Variants in SMARCC2 observed in about 807,000 individuals in gnomAD.
SMARCC2 encodes SWI/SNF complex subunit SMARCC2.
In SMARCC2, 15 loss-of-function variants were observed where a neutral mutation model predicts 151.3. The ratio of observed to expected loss-of-function variants is 0.10; its 90% CI spans 0.07 to 0.15. The LOEUF is 0.15. SMARCC2 is among the 10% of genes least tolerant of loss of function. SMARCC2 has a pLI of 1.00. For synonymous variants in SMARCC2, 590 were observed against 609.5 expected (o/e 0.97, Z 0.47); for missense variants, 1,031 against 1,599.7 (o/e 0.64, Z 6.06).
Position 56,173,751 on chromosome 12 carries a change from T to C in SMARCC2, c.1595A>G (p.His532Arg), listed in dbSNP as rs1874395796. The change falls in exon 17 of 29, where the codon CAT becomes CGT. Residue 532 changes from histidine (H) to arginine (R), a missense_variant. Physicochemically the swap from His to Arg is conservative, Grantham distance 29. Coordinates refer to ENST00000550164, the MANE Select transcript of SMARCC2 (RefSeq NM_001330288.2). ...PMGPPPTSHF[H>R]VLADTPSGLV... is the part of the protein sequence containing the mutation. ...CCCTGATGGTGTGTCAGCCAAGACATGGAAGTGAGAGGTAGGCGGAGGCCC... is the reference window on the plus strand; with the variant it reads ...CCCTGATGGTGTGTCAGCCAAGACACGGAAGTGAGAGGTAGGCGGAGGCCC... 6.2e-7 allele frequency: 1 copy of C among 1,609,764 alleles called. No homozygotes were observed.
intron 15 of SMARCC2, among the ~76,000 whole-genome samples, 182 bp downstream of exon 15, chr12:56,177,840 T>C (rs907050444): frequency 2.0e-5 from 3 of 152,240 alleles, no homozygotes; most frequent in Non-Finnish European, 2.9e-5. Flanking sequence ...CTAAAGAACA[T>C]GTGTCTACAT....
intron 20 of SMARCC2, 111 bp downstream of exon 20, chr12:56,172,317 A>G: frequency 2.1e-6 from 2 of 955,976 alleles, no homozygotes. Flanking sequence ...CCTGGACTCA[A>G]GTGATCCTCC....
chr12:56,169,992 T>G, intron 23 of SMARCC2, 81 bp from the exon 24 acceptor site: 1 of 1,471,620 alleles, frequency 6.8e-7, no homozygotes, highest in South Asian at 1.1e-5. Flanking sequence ...GACGGGGAAC[T>G]AAATTTATTC....
Position 56,180,960 on chromosome 12 carries a change from C to A in SMARCC2, c.1081+17G>T. On this transcript the variant is annotated intron_variant, in intron 11 of 28. Coordinates refer to ENST00000550164, the MANE Select transcript of SMARCC2 (RefSeq NM_001330288.2). ...GGGGAGTGGGGGTGGATCCCAGGAG[C>A]TCAGCCTGGCCTGTACCTGTTTTGG... 6.2e-7 allele frequency: 1 copy of A among 1,601,818 alleles called. No individual in the cohort carries two copies. The highest frequency in any genetic ancestry group is 8.5e-7 in the Non-Finnish European group (1 of 1,173,034).
Position 56,163,694 on chromosome 12 carries a change from G to T in SMARCC2, c.3733C>A (p.Gln1245Lys). 1 of 1,497,824 alleles carries T rather than the reference G, an allele frequency of 6.7e-7. No individual in the cohort carries two copies. Among genetic ancestry groups the T allele is most frequent in the Non-Finnish European group, 8.9e-7 (1 of 1,128,574 alleles). 92.8% of individuals were successfully genotyped at this position (1,497,824 alleles called of 1,614,324 possible). The change falls in exon 29 of 29, where the codon CAG becomes AAG. Residue 1245 changes from glutamine (Q) to lysine (K), a missense_variant. Gln to Lys is a moderately conservative substitution (Grantham distance 53). This residue lies in a region of SMARCC2 where 310 missense variants were observed against 350.0 expected (regional missense o/e 0.89). Transcript: ENST00000550164. ...AGAGATGTCTGGCTGGCTCCTCACTGTGGAGGTGGCACAGGGGTGACCGTG... is the reference window on the plus strand; with the variant it reads ...AGAGATGTCTGGCTGGCTCCTCACTTTGGAGGTGGCACAGGGGTGACCGTG... ...PGTVTPVPPP[Q>K] is the part of the protein sequence containing the mutation.
rs368906381 is a variant in SMARCC2, at chr12:56,170,263, T to C, written c.2348-55A>G. 955 of 1,417,492 alleles carry C rather than the reference T, an allele frequency of 6.7e-4. 6 individuals are homozygous for C. The African/African-American group carries it at 0.012, about 18-fold the overall frequency. 87.8% of individuals were successfully genotyped at this position (1,417,492 alleles called of 1,614,324 possible). ...GAAATGTTTAATACACAGTCGTCTG[T>C]GTCTAACACTTTTCTTTTTTTTTAG... On this transcript the variant is annotated intron_variant, in intron 22 of 28. Transcript: ENST00000550164.
At chr12:56,163,833 C>T in intron 28 of SMARCC2, 68 bp from the exon 29 acceptor site, 1 of 1,038,670 alleles carries the variant, frequency 9.6e-7, no homozygotes, top group Non-Finnish European at 1.4e-6. Flanking sequence ...CAGACCACCA[C>T]AGACAGACAG....
intron 28 of SMARCC2, 77 bp downstream of exon 28, chr12:56,164,226 T>TA: frequency 7.4e-7 from 1 of 1,353,748 alleles, no homozygotes; most frequent in Middle Eastern, 2.5e-4. Context: ...ACCTGACCTC[T>TA]TCCCCACCTG....
chr12:56,179,168 A>G (rs1875629536), intron 11 of SMARCC2, 112 bp from the exon 12 acceptor site: 1 of 831,566 alleles, frequency 1.2e-6, no homozygotes, highest in South Asian at 1.5e-5. Context: ...CTGATTGCAA[A>G]ATATAGTAAT....
intron 15 of SMARCC2, among the ~76,000 whole-genome samples, chr12:56,177,098 G>T (rs1875162757): frequency 6.6e-6 from 1 of 152,154 alleles, no homozygotes; most frequent in Admixed American, 6.6e-5. Context: ...TGGGATTACA[G>T]GCATGAGCCA....
At chr12:56,187,143 T>G (rs1341023458) in intron 2 of SMARCC2, 44 bp downstream of exon 2, 1 of 1,565,928 alleles carries the variant, frequency 6.4e-7, no homozygotes, top group Non-Finnish European at 8.7e-7. Flanking sequence ...TTTGAAGGAT[T>G]CACCACCACC....
chr12:56,164,727 G>A lies in SMARCC2; in HGVS notation c.3237C>T (p.Pro1079=), dbSNP rs1242934081. Residue 1079 remains proline, a synonymous_variant, in exon 28 of 29, where the codon CCC becomes CCT. Transcript: ENST00000550164. ...PGVPPPGPHG[P]SPFPNQQTPP... ...GAGTTTGTTGGTTGGGGAACGGTGA[G>A]GGGCCTGAGAATAAAGATGAGAGAT... 1 of 1,605,350 alleles carries A rather than the reference G, an allele frequency of 6.2e-7. No homozygotes were observed. The highest frequency in any genetic ancestry group is 8.5e-7 in the Non-Finnish European group (1 of 1,175,632).
chr12:56,181,441 A>C, intron 10 of SMARCC2, 41 bp downstream of exon 10: 1 of 1,201,638 alleles, frequency 8.3e-7, no homozygotes, highest in Non-Finnish European at 1.2e-6. Flanking sequence ...CATGATGTGG[A>C]GAGAATGGTG....
chr12:56,187,105 A>C (rs986693246), intron 2 of SMARCC2, 82 bp downstream of exon 2: 1 of 1,428,960 alleles, frequency 7.0e-7, no homozygotes, highest in African/African-American at 1.4e-5. Flanking sequence ...AAAATTCACA[A>C]ATCTTTTTTT....
At chr12:56,181,249 G>A in intron 10 of SMARCC2, 148 bp from the exon 11 acceptor site, 1 of 777,424 alleles carries the variant, frequency 1.3e-6, no homozygotes, top group Non-Finnish European at 2.0e-6. Context: ...GTAATGGGAA[G>A]TGGCAAAGGC....
intron 22 of SMARCC2, 58 bp from the exon 23 acceptor site, chr12:56,170,266 C>T: frequency 3.7e-6 from 5 of 1,363,956 alleles, no homozygotes; most frequent in Non-Finnish European, 5.1e-6. Flanking sequence ...TCGTCTGTGT[C>T]TAACACTTTT....
chr12:56,181,338 C>T (rs964842559), intron 10 of SMARCC2, 144 bp downstream of exon 10: 1 of 648,664 alleles, frequency 1.5e-6, no homozygotes, highest in Non-Finnish European at 2.7e-6. Flanking sequence ...TAAAGATCTC[C>T]TCATCTTCCC....
chr12:56,184,927 G>A lies in SMARCC2; in HGVS notation c.409C>T (p.Leu137=). ...CACAGAAAAATGTTAGGTCGAGACA[G>A]GCAATTATTCTGTGGAGAGAAGAAA... is the stretch of plus-strand genomic sequence containing the variant. ...IEKSLVQNNC[L]SRPNIFLCPE... is the part of the protein sequence containing the mutation. The change falls in exon 5 of 29, where the codon CTG becomes TTG. Residue 137 remains leucine, a synonymous_variant. Coordinates refer to ENST00000550164, the MANE Select transcript of SMARCC2 (RefSeq NM_001330288.2). The A allele has an allele frequency of 6.2e-7, 1 of 1,612,394 alleles. No individual in the cohort carries two copies. The highest frequency in any genetic ancestry group is 1.7e-5 in the Admixed American group (1 of 60,004).
intron 8 of SMARCC2, 49 bp downstream of exon 8, chr12:56,181,955 C>G: frequency 6.3e-7 from 1 of 1,586,734 alleles, no homozygotes; most frequent in Non-Finnish European, 8.6e-7. Context: ...AAAGGGTAGA[C>G]TGTTCCTGGC....
Sources: allele counts gnomAD v4.1 joint callset (sites outside exome capture counted in the v4.1 genomes callset), GRCh38; gene constraint gnomAD v4.1.1; regional missense constraint gnomAD v4.1.1; transcripts MANE v1.5; gene names NCBI Gene and HGNC (gene_info 2026-07-23, HGNC 2026-07-21).